The following MCPH1 variants were observed in gnomAD, a reference collection of about 807,000 sequenced individuals.
MCPH1 encodes microcephalin 1.
A neutral mutation model predicts 84.5 loss-of-function variants in MCPH1; 104 were observed. The observed-to-expected ratio is 1.23, with a 90% CI of 1.05 to 1.45. The LOEUF is 1.45. Ranked by LOEUF, MCPH1 falls within the 40% of genes most tolerant of loss-of-function variation. MCPH1 has a pLI of 0.00. For missense variants in MCPH1, 1,498 were observed against 1,005.7 expected (o/e 1.49, Z -6.62); for synonymous variants, 514 against 366.8 (o/e 1.40, Z -4.58).
intron 12 of MCPH1, chr8:6,521,543 G>C: frequency 1.5e-6 from 1 of 674,178 alleles, no homozygotes; most frequent in Non-Finnish European, 2.4e-6. Flanking sequence ...TGTTACCAGA[G>C]CCCTAAGGAA....
chr8:6,630,700 G>A (rs963222453), intron 13 of MCPH1, among the ~76,000 whole-genome samples: 1 of 150,490 alleles, frequency 6.6e-6, no homozygotes, highest in Admixed American at 6.6e-5. Flanking sequence ...AGAATCGCTT[G>A]AACCTGGGAG....
intron 11 of MCPH1, among the ~76,000 whole-genome samples, chr8:6,481,942 C>T (rs1162751673): frequency 6.6e-6 from 1 of 152,156 alleles, no homozygotes; most frequent in Non-Finnish European, 1.5e-5. Flanking sequence ...ATTTATAAGT[C>T]TTTAAATGCA....
chr8:6,628,275 C>T (rs6987742), intron 13 of MCPH1, among the ~76,000 whole-genome samples: 3 of 151,876 alleles, frequency 2.0e-5, no homozygotes, highest in Non-Finnish European at 2.9e-5. Flanking sequence ...TCGAGACCAT[C>T]CTGGCTAACA....
intron 12 of MCPH1, among the ~76,000 whole-genome samples, chr8:6,540,269 A>G (rs981673092): frequency 1.9e-4 from 29 of 152,210 alleles, no homozygotes; most frequent in Non-Finnish European, 1.8e-4. Flanking sequence ...CACTACTCCA[A>G]AATTTGATAA....
At chr8:6,610,742 C>A (rs961660498) in intron 12 of MCPH1, among the ~76,000 whole-genome samples, 2 of 152,084 alleles carry the variant, frequency 1.3e-5, no homozygotes. Flanking sequence ...TGGGGGTCTC[C>A]CAGGCCAGAA....
intron 12 of MCPH1, among the ~76,000 whole-genome samples, chr8:6,516,102 G>C (rs1469353884): frequency 6.6e-6 from 1 of 152,138 alleles, no homozygotes; most frequent in African/African-American, 2.4e-5. Context: ...CTCATGTTTG[G>C]AAACATAGGT....
intron 3 of MCPH1, among the ~76,000 whole-genome samples, chr8:6,418,961 A>T (rs1253107390): frequency 6.6e-6 from 1 of 152,088 alleles, no homozygotes; most frequent in African/African-American, 2.4e-5. Flanking sequence ...CCTTTTCAAC[A>T]GATTCAGGTC....
chr8:6,540,604 G>A (rs961333827), intron 12 of MCPH1, among the ~76,000 whole-genome samples: 3 of 152,248 alleles, frequency 2.0e-5, no homozygotes, highest in South Asian at 2.1e-4. Flanking sequence ...GGCCACGTCT[G>A]CATATATAGA....
intron 11 of MCPH1, among the ~76,000 whole-genome samples, chr8:6,483,641 C>A (rs1304620074): frequency 6.6e-6 from 1 of 152,304 alleles, no homozygotes; most frequent in South Asian, 2.1e-4. Context: ...GGGTGGATCA[C>A]CTGAGGTCAG....
At position 6,605,750 on chromosome 8, in the gene MCPH1, T is replaced by G. The variant is rs556905968; in HGVS notation, c.2215-15704T>G. On this transcript the variant is annotated intron_variant, in intron 12 of 13. Transcript: ENST00000344683. ...TCTCACTCTGTCACCCAGGCTGGAG[T>G]GCAGTGGCACGATCTCAGCTCACTG... is the stretch of plus-strand genomic sequence containing the variant. Among the ~76,000 whole-genome samples, 5 of 152,194 alleles carry G rather than the reference T, an allele frequency of 3.3e-5. No individual in the cohort carries two copies. In the South Asian group the frequency reaches 1.0e-3, roughly 32 times the overall value.
intron 12 of MCPH1, among the ~76,000 whole-genome samples, chr8:6,597,831 C>T (rs1243161248): frequency 6.6e-6 from 1 of 152,192 alleles, no homozygotes; most frequent in Non-Finnish European, 1.5e-5. Context: ...TTGGTCCTCT[C>T]CCTCATAAGC....
chr8:6,588,469 C>A (rs1828172429), intron 12 of MCPH1, among the ~76,000 whole-genome samples: 1 of 152,168 alleles, frequency 6.6e-6, no homozygotes, highest in African/African-American at 2.4e-5. Context: ...GTAGGCTGAG[C>A]CCCTTCACCT....
intron 12 of MCPH1, among the ~76,000 whole-genome samples, chr8:6,533,902 T>C (rs914919556): frequency 6.6e-6 from 1 of 152,208 alleles, no homozygotes; most frequent in African/African-American, 2.4e-5. Flanking sequence ...GTTTCTCTCT[T>C]AGAGCTTCTT....
At chr8:6,521,748 G>A (rs1011112956) in intron 12 of MCPH1, among the ~76,000 whole-genome samples, 4 of 152,224 alleles carry the variant, frequency 2.6e-5, no homozygotes, top group Admixed American at 1.3e-4. Context: ...GCTCTTTCAA[G>A]CTTAGTGCTC....
intron 12 of MCPH1, among the ~76,000 whole-genome samples, chr8:6,611,553 G>T (rs114546758): frequency 6.6e-6 from 1 of 152,328 alleles, no homozygotes; most frequent in South Asian, 2.1e-4. Context: ...CCCTCTCAGG[G>T]GGCATCACCT....
At chr8:6,513,756 T>C (rs769982853) in intron 12 of MCPH1, 1 of 1,613,974 alleles carries the variant, frequency 6.2e-7, no homozygotes, top group East Asian at 2.2e-5. Flanking sequence ...GTCTTTAAGG[T>C]GTATTTTAAG....
intron 12 of MCPH1, among the ~76,000 whole-genome samples, chr8:6,528,020 C>G (rs1818708127): frequency 6.6e-6 from 1 of 151,964 alleles, no homozygotes; most frequent in African/African-American, 2.4e-5. Flanking sequence ...CTCATTCTCC[C>G]CAGTAGCTGG....
chr8:6,482,462 A>G (rs1281372431), intron 11 of MCPH1, among the ~76,000 whole-genome samples: 1 of 152,202 alleles, frequency 6.6e-6, no homozygotes, highest in Non-Finnish European at 1.5e-5. Flanking sequence ...AGCATCAGTG[A>G]ATGAGTTCTG....
intron 12 of MCPH1, among the ~76,000 whole-genome samples, chr8:6,567,184 A>G (rs13273220): frequency 0.023 from 512 of 22,160 alleles, 8 homozygotes; most frequent in Non-Finnish European, 0.052. Context: ...ATGTATGATC[A>G]GCAAGGCCAT....
Sources: gnomAD v4.1 joint callset for allele counts (sites outside exome capture counted in the v4.1 genomes callset) on GRCh38, gnomAD v4.1.1 for gene constraint, MANE v1.5 for transcripts, NCBI Gene and HGNC (gene_info 2026-07-23, HGNC 2026-07-21) for gene names.